The following BNC2 variants were observed in gnomAD, a reference collection of about 807,000 sequenced individuals.
BNC2 encodes the protein zinc finger protein basonuclin-2.
BNC2 carries 20 observed loss-of-function variants against 76.3 expected under a neutral mutation model. That is an observed-to-expected ratio of 0.26 (90% CI 0.18 to 0.38). The LOEUF is 0.38. Ranked by LOEUF, BNC2 falls within the 10% of genes least tolerant of loss-of-function variation. The probability of loss-of-function intolerance (pLI) is 1.00; values close to 1 mark genes in which losing one functional copy is unlikely to be tolerated. For missense variants in BNC2, 1,382 were observed against 1,399.8 expected (o/e 0.99, Z 0.20); for synonymous variants, 582 against 514.8 (o/e 1.13, Z -1.77).
chr9:16,610,157 A>G (rs1820504463), intron 3 of BNC2, among the ~76,000 whole-genome samples: 1 of 152,094 alleles, frequency 6.6e-6, no homozygotes, highest in Non-Finnish European at 1.5e-5. Flanking sequence ...AACTGGGCGC[A>G]CCATGTAACC....
intron 1 of BNC2, among the ~76,000 whole-genome samples, chr9:16,805,611 A>T (rs569064010): frequency 4.3e-4 from 65 of 152,276 alleles, no homozygotes; most frequent in African/African-American, 1.6e-3. Flanking sequence ...TACAGGCGTG[A>T]GCCACTGTGC....
intron 5 of BNC2, among the ~76,000 whole-genome samples, chr9:16,546,074 C>T (rs1818472848): frequency 2.6e-5 from 4 of 152,120 alleles, no homozygotes; most frequent in Admixed American, 2.6e-4. Flanking sequence ...AAACATTTGG[C>T]ATTGGTAGAG....
intron 3 of BNC2, among the ~76,000 whole-genome samples, chr9:16,630,737 T>C (rs1821136459): frequency 6.7e-6 from 1 of 149,302 alleles, no homozygotes; most frequent in Non-Finnish European, 1.5e-5. Flanking sequence ...TATTTAAAAA[T>C]GTGGAGCGTT....
At chr9:16,847,665 A>AT (rs1360483321) in intron 1 of BNC2, among the ~76,000 whole-genome samples, 1 of 152,208 alleles carries the variant, frequency 6.6e-6, no homozygotes, top group Non-Finnish European at 1.5e-5. Context: ...TCCCCAAACC[A>AT]TAACCATTGA....
chr9:16,594,277 G>C (rs558280609), intron 3 of BNC2, among the ~76,000 whole-genome samples: 2 of 152,258 alleles, frequency 1.3e-5, no homozygotes, highest in South Asian at 2.1e-4. Context: ...ACGAAGCAAA[G>C]ATGTACAGAA....
intron 3 of BNC2, among the ~76,000 whole-genome samples, chr9:16,598,353 CTGAG>C (rs1820152223): frequency 6.6e-6 from 1 of 152,142 alleles, no homozygotes; most frequent in Non-Finnish European, 1.5e-5. Context: ...ATGTCTATTA[CTGAG>C]TATTATCTAC....
chr9:16,707,142 C>G (rs1823700119), intron 3 of BNC2, among the ~76,000 whole-genome samples: 1 of 151,810 alleles, frequency 6.6e-6, no homozygotes, highest in African/African-American at 2.4e-5. Flanking sequence ...GCGGAGCTTG[C>G]AGTGAGCTGA....
intron 5 of BNC2, among the ~76,000 whole-genome samples, chr9:16,464,424 G>A (rs891552419): frequency 1.3e-5 from 2 of 151,984 alleles, no homozygotes; most frequent in Non-Finnish European, 2.9e-5. Context: ...CCTGGAAGAA[G>A]GGAAGAAACT....
At chr9:16,540,661 T>A (rs1818290878) in intron 5 of BNC2, among the ~76,000 whole-genome samples, 1 of 152,182 alleles carries the variant, frequency 6.6e-6, no homozygotes, top group Non-Finnish European at 1.5e-5. Context: ...GCATCTTAAA[T>A]TCCATTTATG....
rs751190675 is a variant in BNC2, at chr9:16,436,911, C to T, written c.1283G>A (p.Arg428Gln). ...AGAGGCTGACCCCATCCTTCTCATC[C>T]GATGAATCCGGAATGAGCTTTTTGG... ...EHPKSSFRIHRMRRMGSASRK... is the reference protein window; with the variant it reads ...EHPKSSFRIHQMRRMGSASRK... Residue 428 changes from arginine to glutamine, a missense_variant, in exon 6 of 7, where the codon CGG becomes CAG. Arg to Gln is a conservative substitution (Grantham distance 43). Coordinates refer to ENST00000380672, the MANE Select transcript of BNC2 (RefSeq NM_017637.6). The T allele has an allele frequency of 6.2e-6, 10 of 1,614,024 alleles. No homozygotes were observed. Among genetic ancestry groups the T allele is most frequent in the Admixed American group, 3.3e-5 (2 of 59,992 alleles).
intron 4 of BNC2, among the ~76,000 whole-genome samples, chr9:16,560,839 C>T (rs533184409): frequency 1.3e-5 from 2 of 152,326 alleles, no homozygotes; most frequent in African/African-American, 4.8e-5. Context: ...GACATGACAC[C>T]TATCCAGCAG....
intron 3 of BNC2, chr9:16,685,624 G>GGAACCT: frequency 7.7e-7 from 1 of 1,304,220 alleles, no homozygotes; most frequent in South Asian, 1.2e-5. Flanking sequence ...ACATGCCAAT[G>GGAACCT]GAACCTGAGG....
chr9:16,668,034 C>G (rs1199699412), intron 3 of BNC2, among the ~76,000 whole-genome samples: 2 of 152,226 alleles, frequency 1.3e-5, no homozygotes, highest in African/African-American at 4.8e-5. Flanking sequence ...AAGTGCCAGA[C>G]GCAATGGTAA....
chr9:16,773,731 G>A (rs947643247), intron 1 of BNC2, among the ~76,000 whole-genome samples: 1 of 152,134 alleles, frequency 6.6e-6, no homozygotes, highest in Non-Finnish European at 1.5e-5. Flanking sequence ...CTTACACTGT[G>A]TATGGTCTTA....
At chr9:16,758,607 G>A (rs1007294570) in intron 1 of BNC2, among the ~76,000 whole-genome samples, 15 of 152,222 alleles carry the variant, frequency 9.9e-5, no homozygotes, top group Non-Finnish European at 2.1e-4. Flanking sequence ...GAGATTACGG[G>A]CATGAGCCAC....
intron 3 of BNC2, among the ~76,000 whole-genome samples, chr9:16,623,006 A>G (rs1232673538): frequency 1.3e-5 from 2 of 152,168 alleles, no homozygotes; most frequent in Non-Finnish European, 2.9e-5. Flanking sequence ...TGCTGTCTGA[A>G]TCAAAGAAAG....
intron 3 of BNC2, among the ~76,000 whole-genome samples, chr9:16,639,018 AG>A (rs1420525832): frequency 6.6e-6 from 1 of 152,180 alleles, no homozygotes; most frequent in Non-Finnish European, 1.5e-5. Flanking sequence ...ACATTCTAAA[AG>A]TCCAAGGTTT....
At position 16,713,303 on chromosome 9, in the gene BNC2, T is replaced by A. The variant is rs907891529; in HGVS notation, c.330+14494A>T. ...CAAATTGTGACCAATACTACTTTTA[T>A]TTGGAGGTAGTTTCCAACCATCACC... On this transcript the variant is annotated intron_variant, in intron 3 of 6. Transcript: ENST00000380672. Among the ~76,000 whole-genome samples, 5 of 152,122 alleles carry A rather than the reference T, an allele frequency of 3.3e-5. 1 individual carries two copies. Among genetic ancestry groups the A allele is most frequent in the African/African-American group, 9.7e-5 (4 of 41,402 alleles).
Position 16,606,990 on chromosome 9 carries a change from C to G in BNC2, c.331-23905G>C, listed in dbSNP as rs28416165. On this transcript the variant is annotated intron_variant, in intron 3 of 6. Transcript: ENST00000380672. ...TGAGGCAGGGTCTCACTCTGTCACC[C>G]AGGCTGGAGTGCAGTGGTGTGACCA... 6.6e-3 allele frequency among the ~76,000 whole-genome samples: 999 copies of G among 152,324 alleles called. 9 individuals are homozygous for G. The highest frequency in any genetic ancestry group is 0.022 in the African/African-American group (908 of 41,582).
Sources: gnomAD v4.1 joint callset for allele counts (sites outside exome capture counted in the v4.1 genomes callset) on GRCh38, gnomAD v4.1.1 for gene constraint, MANE v1.5 for transcripts, NCBI Gene and HGNC (gene_info 2026-07-23, HGNC 2026-07-21) for gene names.